PARD3B: variants seen among roughly 807,000 people sequenced by gnomAD.
The protein encoded by PARD3B is par-3 family cell polarity regulator beta, also known as partitioning defective 3 homolog B.
A neutral mutation model predicts 130.2 loss-of-function variants in PARD3B; 103 were observed. That is an observed-to-expected ratio of 0.79 (90% CI 0.67 to 0.93). The LOEUF is 0.93. Among genes scored for constraint, PARD3B ranks in the 40% least tolerant of loss-of-function variants. The pLI, the probability that PARD3B is intolerant of heterozygous loss-of-function variation, is 0.00. For missense variants in PARD3B, 1,609 were observed against 1,499.2 expected (o/e 1.07, Z -1.21); for synonymous variants, 583 against 553.2 (o/e 1.05, Z -0.76).
chr2:204,775,478 G>A (rs1341965752), intron 2 of PARD3B, among the ~76,000 whole-genome samples: 1 of 152,070 alleles, frequency 6.6e-6, no homozygotes, highest in Non-Finnish European at 1.5e-5. Flanking sequence ...ATTTTGAGTT[G>A]AGGAAAATGA....
intron 19 of PARD3B, among the ~76,000 whole-genome samples, chr2:205,439,808 A>C (rs1219778874): frequency 6.6e-6 from 1 of 152,172 alleles, no homozygotes; most frequent in Non-Finnish European, 1.5e-5. Flanking sequence ...TAACCAAAAA[A>C]CTTAGAGTCT....
At chr2:204,915,948 C>T (rs1489593542) in intron 2 of PARD3B, among the ~76,000 whole-genome samples, 1 of 152,144 alleles carries the variant, frequency 6.6e-6, no homozygotes, top group Admixed American at 6.5e-5. Context: ...AAGGTTGAGT[C>T]GAAGGCCCAT....
chr2:205,484,743 G>T (rs1449039624), intron 20 of PARD3B, among the ~76,000 whole-genome samples: 1 of 152,080 alleles, frequency 6.6e-6, no homozygotes, highest in South Asian at 2.1e-4. Flanking sequence ...AAATGGAAAA[G>T]CATTGTTATG....
intron 4 of PARD3B, among the ~76,000 whole-genome samples, chr2:205,077,792 A>T (rs1004427997): frequency 6.6e-6 from 1 of 152,298 alleles, no homozygotes; most frequent in South Asian, 2.1e-4. Flanking sequence ...AATAGCACTT[A>T]TTTAAAAGAG....
chr2:204,685,131 T>A (rs1048417077), intron 1 of PARD3B, among the ~76,000 whole-genome samples: 2 of 152,200 alleles, frequency 1.3e-5, no homozygotes, highest in African/African-American at 2.4e-5. Context: ...CCGTGGGTTA[T>A]ATTAGTTCTT....
At chr2:205,299,847 T>C (rs1395879773) in intron 16 of PARD3B, among the ~76,000 whole-genome samples, 1 of 152,224 alleles carries the variant, frequency 6.6e-6, no homozygotes, top group African/African-American at 2.4e-5. Context: ...TTCAGAACTA[T>C]AGCATCGACA....
chr2:205,195,212 A>G (rs772971588), intron 15 of PARD3B, among the ~76,000 whole-genome samples: 5 of 152,250 alleles, frequency 3.3e-5, no homozygotes, highest in South Asian at 4.1e-4. Flanking sequence ...TTTTTTATAC[A>G]TATGCCATAA....
Position 204,776,678 on chromosome 2 carries a change from T to A in PARD3B, c.222+90396T>A, listed in dbSNP as rs146267103. 1.5e-4 allele frequency among the ~76,000 whole-genome samples: 22 copies of A among 151,712 alleles called. No individual in the cohort carries two copies. In the East Asian group the frequency reaches 4.3e-3, roughly 30 times the overall value. On this transcript the variant is annotated intron_variant, in intron 2 of 22. Transcript: ENST00000406610. The stretch of plus-strand genomic sequence containing the variant: ...CTTGCCTACCGTTCTGTGGTTAGGG[T>A]TAGGGAAGTGGGCAGTTTGCTAACT...
At chr2:205,233,216 C>T (rs1421928850) in intron 15 of PARD3B, among the ~76,000 whole-genome samples, 1 of 152,128 alleles carries the variant, frequency 6.6e-6, no homozygotes, top group Non-Finnish European at 1.5e-5. Flanking sequence ...CATCGTGTAA[C>T]AGTATCTTTA....
At chr2:204,851,762 G>A (rs1256837683) in intron 2 of PARD3B, among the ~76,000 whole-genome samples, 1 of 148,626 alleles carries the variant, frequency 6.7e-6, no homozygotes, top group African/African-American at 2.5e-5. Context: ...TTTTTTTCTC[G>A]GCTCACTGCA....
intron 2 of PARD3B, among the ~76,000 whole-genome samples, chr2:204,821,057 T>C (rs532835729): frequency 3.3e-5 from 5 of 152,336 alleles, no homozygotes; most frequent in African/African-American, 1.2e-4. Flanking sequence ...CAATGCACTT[T>C]GTCGTCCAGA....
intron 1 of PARD3B, among the ~76,000 whole-genome samples, chr2:204,628,508 T>C (rs1047661693): frequency 6.6e-6 from 1 of 152,162 alleles, no homozygotes; most frequent in African/African-American, 2.4e-5. Context: ...TATTTTCTTT[T>C]CCTGCAACAA....
chr2:204,614,562 A>G (rs2034042153), intron 1 of PARD3B, among the ~76,000 whole-genome samples: 1 of 152,218 alleles, frequency 6.6e-6, no homozygotes, highest in Non-Finnish European at 1.5e-5. Context: ...CTTCATGTTA[A>G]CACAGTGATA....
chr2:205,520,776 A>G (rs972579442), intron 21 of PARD3B, among the ~76,000 whole-genome samples: 5 of 152,016 alleles, frequency 3.3e-5, no homozygotes, highest in Admixed American at 6.6e-5. Context: ...TTACTTTGTT[A>G]TATTTTGAAA....
chr2:204,645,687 T>A (rs2035246888), intron 1 of PARD3B, among the ~76,000 whole-genome samples: 1 of 152,140 alleles, frequency 6.6e-6, no homozygotes, highest in African/African-American at 2.4e-5. Context: ...ATTTCTTAAA[T>A]GATGACTGAA....
chr2:205,312,236 C>A (rs1168905577), intron 18 of PARD3B, among the ~76,000 whole-genome samples: 4 of 152,102 alleles, frequency 2.6e-5, no homozygotes, highest in African/African-American at 9.7e-5. Context: ...GGTAACTGAG[C>A]CAATGTAGCC....
At chr2:205,203,211 G>A (rs528265042) in intron 15 of PARD3B, among the ~76,000 whole-genome samples, 12 of 152,208 alleles carry the variant, frequency 7.9e-5, no homozygotes, top group African/African-American at 2.4e-4. Context: ...TGACCTCTGT[G>A]TACTTAGAAC....
Position 205,253,277 on chromosome 2 carries a change from G to C in PARD3B, c.2185+7455G>C. On this transcript the variant is annotated intron_variant, in intron 16 of 22. Transcript: ENST00000406610. The surrounding 1 kb of genome is among the most constrained non-coding windows in gnomAD (Gnocchi z 4.4). ...AGAGACAGGGTAGATAGACACTTAAGAGTAAAATGTATTAACACAAAGGCT... is the reference window on the plus strand; with the variant it reads ...AGAGACAGGGTAGATAGACACTTAACAGTAAAATGTATTAACACAAAGGCT... 1 of 479,466 alleles carries C rather than the reference G, an allele frequency of 2.1e-6. No homozygotes were observed. The highest frequency in any genetic ancestry group is 4.2e-6 in the Non-Finnish European group (1 of 238,084). The allele number at this position is 479,466 out of a possible 1,614,324, so 29.7% of individuals were successfully genotyped here.
intron 2 of PARD3B, among the ~76,000 whole-genome samples, chr2:204,941,830 C>A (rs2125803660): frequency 7.6e-6 from 1 of 132,306 alleles, no homozygotes; most frequent in South Asian, 3.5e-4. Flanking sequence ...TTGCAACATT[C>A]TGAGTGTGTG....
Sources: allele counts gnomAD v4.1 joint callset (sites outside exome capture counted in the v4.1 genomes callset), GRCh38; gene constraint gnomAD v4.1.1; non-coding constraint Gnocchi (gnomAD v3.1); transcripts MANE v1.5; gene names NCBI Gene and HGNC (gene_info 2026-07-23, HGNC 2026-07-21).